Variants in MSRA observed in about 807,000 individuals in gnomAD.
MSRA encodes methionine sulfoxide reductase A.
Under a neutral mutation model 31.3 loss-of-function variants are expected in MSRA, and 54 were observed. The observed-to-expected ratio is 1.73, with a 90% CI of 1.39 to 2.17. MSRA has a LOEUF of 2.17. Among genes scored for constraint, MSRA ranks in the 30% most tolerant of loss-of-function variants. MSRA has a pLI of 0.00. For missense variants in MSRA, 507 were observed against 300.9 expected, an observed-to-expected ratio of 1.69 and a Z score of -5.07; for synonymous variants, 169 against 116.5, an observed-to-expected ratio of 1.45 and a Z score of -2.90.
intron 1 of MSRA, among the ~76,000 whole-genome samples, chr8:10,099,762 G>A (rs886315104): frequency 2.6e-5 from 4 of 152,196 alleles, no homozygotes; most frequent in African/African-American, 9.6e-5. Flanking sequence ...CTCTTGCGGT[G>A]GCCATTGGAG....
chr8:10,191,448 C>T (rs1807497681), intron 1 of MSRA, among the ~76,000 whole-genome samples: 1 of 152,168 alleles, frequency 6.6e-6, no homozygotes, highest in African/African-American at 2.4e-5. Context: ...GGTATAACTT[C>T]CCCAAACAAA....
At chr8:10,274,685 C>T (rs1413358039) in intron 3 of MSRA, among the ~76,000 whole-genome samples, 1 of 152,164 alleles carries the variant, frequency 6.6e-6, no homozygotes, top group Non-Finnish European at 1.5e-5. Context: ...ACCCATCCAT[C>T]CATGTATCTA....
chr8:10,375,597 G>A (rs948798407), intron 5 of MSRA, among the ~76,000 whole-genome samples: 2 of 152,158 alleles, frequency 1.3e-5, no homozygotes, highest in African/African-American at 2.4e-5. Flanking sequence ...CGAGGGAGAT[G>A]CTCGCTAAGC....
intron 1 of MSRA, among the ~76,000 whole-genome samples, chr8:10,058,566 A>G (rs1466316169): frequency 6.9e-6 from 1 of 144,176 alleles, no homozygotes; most frequent in Non-Finnish European, 1.5e-5. Flanking sequence ...AGTTTCACCA[A>G]GATTATCTAC....
chr8:10,071,609 T>C (rs2128918412), intron 1 of MSRA, among the ~76,000 whole-genome samples: 1 of 152,298 alleles, frequency 6.6e-6, no homozygotes, highest in South Asian at 2.1e-4. Flanking sequence ...TTTTTTCCTA[T>C]GCTTTTTGTT....
At chr8:10,221,887 C>T (rs577122530) in intron 2 of MSRA, among the ~76,000 whole-genome samples, 17 of 152,174 alleles carry the variant, frequency 1.1e-4, no homozygotes, top group African/African-American at 4.1e-4. Context: ...TACAAAGGCC[C>T]TGAGGCAGGA....
At chr8:10,290,989 C>G (rs938039737) in intron 3 of MSRA, among the ~76,000 whole-genome samples, 2 of 152,114 alleles carry the variant, frequency 1.3e-5, no homozygotes, top group Non-Finnish European at 2.9e-5. Context: ...AAATCCAGCT[C>G]AAAGGGTTAG....
At chr8:10,062,564 A>G (rs1797259348) in intron 1 of MSRA, among the ~76,000 whole-genome samples, 1 of 152,206 alleles carries the variant, frequency 6.6e-6, no homozygotes, top group African/African-American at 2.4e-5. Flanking sequence ...TTGAGAGGCC[A>G]GGGTTCCTCT....
chr8:10,153,327 C>T (rs894742323), intron 1 of MSRA, among the ~76,000 whole-genome samples: 2 of 152,032 alleles, frequency 1.3e-5, no homozygotes, highest in Admixed American at 6.5e-5. Flanking sequence ...TTGTTCTTTC[C>T]CCCTTGCCTT....
chr8:10,227,641 G>A (rs1282413036), intron 2 of MSRA, among the ~76,000 whole-genome samples: 1 of 152,112 alleles, frequency 6.6e-6, no homozygotes, highest in Non-Finnish European at 1.5e-5. Context: ...ACAGTGCAGA[G>A]GTACAGTGGA....
chr8:10,283,836 T>TATATATATATATATACACAC (rs1261287031), intron 3 of MSRA, among the ~76,000 whole-genome samples: 7 of 53,152 alleles, frequency 1.3e-4, no homozygotes, highest in Admixed American at 2.5e-4. Context: ...TATATATATA[T>TATATATATATATATACACAC]ACACACACAC....
chr8:10,085,874 C>T (rs1280306086), intron 1 of MSRA, among the ~76,000 whole-genome samples: 7 of 152,174 alleles, frequency 4.6e-5, no homozygotes, highest in Non-Finnish European at 4.4e-5. Context: ...GCTTTTCCAC[C>T]TAGCATAGTG....
intron 2 of MSRA, among the ~76,000 whole-genome samples, chr8:10,236,956 A>G (rs994057861): frequency 2.0e-5 from 3 of 152,236 alleles, no homozygotes; most frequent in East Asian, 3.8e-4. Context: ...TAGTAGTAAA[A>G]TAAAACCTTG....
At chr8:10,391,101 C>T (rs907675067) in intron 5 of MSRA, among the ~76,000 whole-genome samples, 4 of 152,156 alleles carry the variant, frequency 2.6e-5, no homozygotes, top group Non-Finnish European at 5.9e-5. Context: ...AAATATTTCC[C>T]AGACTTACTT....
rs531041121 is a variant in MSRA at position 10,392,676 on chromosome 8, G to A, written c.544-35472G>A. On this transcript the variant is annotated intron_variant, in intron 5 of 5. Coordinates refer to ENST00000317173, the MANE Select transcript of MSRA (RefSeq NM_012331.5). ...GCCTGTGACCATCACTTGGCCTCTC[G>A]GCCCTTTTTTTTTTTTTTAAATCTA... 3.9e-3 allele frequency among the ~76,000 whole-genome samples: 358 copies of A among 92,740 alleles called. 1 individual carries two copies. Among genetic ancestry groups the A allele is most frequent in the African/African-American group, 1.0e-2 (339 of 33,918 alleles). 60.8% of individuals were successfully genotyped at this position (92,740 alleles called of 152,430 possible). A position where few individuals can be genotyped will look rare whatever the true frequency, so the allele number is the denominator to read the frequency against.
intron 5 of MSRA, among the ~76,000 whole-genome samples, chr8:10,380,076 G>A (rs1038110353): frequency 2.6e-5 from 4 of 152,194 alleles, no homozygotes; most frequent in African/African-American, 9.6e-5. Context: ...TGTCCATCTT[G>A]TTCTTGGTTT....
chr8:10,065,443 G>A (rs944551242), intron 1 of MSRA, among the ~76,000 whole-genome samples: 39 of 152,132 alleles, frequency 2.6e-4, no homozygotes, highest in African/African-American at 8.0e-4. Context: ...TTCAATGTGC[G>A]GAATAAAAGG....
chr8:10,289,575 C>T (rs1268995790), intron 3 of MSRA, among the ~76,000 whole-genome samples: 1 of 152,176 alleles, frequency 6.6e-6, no homozygotes, highest in Non-Finnish European at 1.5e-5. Flanking sequence ...TGACTATAGT[C>T]ACCCTGTTGT....
At position 10,413,082 on chromosome 8, in the gene MSRA, G is replaced by T. The variant is rs536952451; in HGVS notation, c.544-15066G>T. Reference sequence around the variant, plus strand: ...CAGGAAACAACCTAAGTGGCCTTCAGTTGGGAAATGGAAACACCACACTGA... The same window carrying T: ...CAGGAAACAACCTAAGTGGCCTTCATTTGGGAAATGGAAACACCACACTGA... On this transcript the variant is annotated intron_variant, in intron 5 of 5. Coordinates refer to ENST00000317173, the MANE Select transcript of MSRA (RefSeq NM_012331.5). Among the ~76,000 whole-genome samples, 3 of 152,348 alleles carry T rather than the reference G, an allele frequency of 2.0e-5. No homozygotes were observed. The East Asian group carries it at 5.8e-4, about 29-fold the overall frequency.
Sources: gnomAD v4.1 joint callset for allele counts (sites outside exome capture counted in the v4.1 genomes callset) on GRCh38, gnomAD v4.1.1 for gene constraint, MANE v1.5 for transcripts, NCBI Gene and HGNC (gene_info 2026-07-23, HGNC 2026-07-21) for gene names.